The following ANKRD30B variants were observed in gnomAD, a reference collection of about 807,000 sequenced individuals.
ANKRD30B encodes ankyrin repeat domain-containing protein 30B.
ANKRD30B carries 144 observed loss-of-function variants against 202.2 expected under a neutral mutation model. The ratio of observed to expected loss-of-function variants is 0.71; its 90% CI spans 0.62 to 0.82. ANKRD30B has a LOEUF of 0.82. Ranked by LOEUF, ANKRD30B falls within the 40% of genes least tolerant of loss-of-function variation. The probability of loss-of-function intolerance (pLI) is 0.00; values close to 1 mark genes in which losing one functional copy is unlikely to be tolerated. For missense variants in ANKRD30B, 1,487 were observed against 1,669.1 expected, an observed-to-expected ratio of 0.89 and a Z score of 1.90; for synonymous variants, 508 against 561.3, an observed-to-expected ratio of 0.91 and a Z score of 1.34.
At chr18:14,885,776 T>C in the ANKRD30B span, among the ~76,000 whole-genome samples, 1 of 151,986 alleles carries the variant, frequency 6.6e-6, no homozygotes, top group Admixed American at 6.6e-5. Flanking sequence ...ACTTATACTA[T>C]GGTTTTTATA....
chr18:14,836,660 A>G (rs957395274), intron 34 of ANKRD30B, among the ~76,000 whole-genome samples: 1 of 152,212 alleles, frequency 6.6e-6, no homozygotes, highest in Non-Finnish European at 1.5e-5. Flanking sequence ...GTAAGTTCAC[A>G]TTCTAGGGTG....
chr18:14,926,593 T>C, the ANKRD30B span, among the ~76,000 whole-genome samples: 1 of 152,230 alleles, frequency 6.6e-6, no homozygotes, highest in African/African-American at 2.4e-5. Context: ...TTTGAATTTT[T>C]TAAGTAACTT....
At chr18:14,879,429 T>G in the ANKRD30B span, among the ~76,000 whole-genome samples, 2 of 152,118 alleles carry the variant, frequency 1.3e-5, no homozygotes, top group Non-Finnish European at 2.9e-5. Flanking sequence ...ATGCACTGCC[T>G]CAATACAAAA....
chr18:14,881,023 G>T, the ANKRD30B span, among the ~76,000 whole-genome samples: 1 of 152,106 alleles, frequency 6.6e-6, no homozygotes, highest in Non-Finnish European at 1.5e-5. Flanking sequence ...AGGTCATATC[G>T]TCAGCAACCA....
rs950627976 is a variant in ANKRD30B, at chr18:14,809,026, A to C, written c.2386+282A>C. 8.0e-5 allele frequency among the ~76,000 whole-genome samples: 12 copies of C among 150,388 alleles called. 1 individual carries two copies. Among genetic ancestry groups the C allele is most frequent in the East Asian group, 3.9e-4 (2 of 5,168 alleles). ...TCCCAGGTGGATCGGCAGGTTGAGA[A>C]AGAATAGACACAGACAAGATAGTGA... is the stretch of plus-strand genomic sequence containing the variant. On this transcript the variant is annotated intron_variant, in intron 26 of 43. Transcript: ENST00000690538.
the ANKRD30B span, among the ~76,000 whole-genome samples, chr18:14,875,336 A>T: frequency 7.9e-4 from 121 of 152,282 alleles, 2 homozygotes; most frequent in East Asian, 0.022. Context: ...CTGCCATCAA[A>T]TTAGAGTTCA....
intron 7 of ANKRD30B, among the ~76,000 whole-genome samples, chr18:14,766,472 C>CAAAAAAAAAA (rs1168681924): frequency 3.6e-4 from 20 of 55,598 alleles, no homozygotes; most frequent in South Asian, 1.3e-3. Context: ...GACTCCATCT[C>CAAAAAAAAAA]AAAAAAAAAA....
At chr18:14,756,403 G>A (rs565815455) in intron 4 of ANKRD30B, among the ~76,000 whole-genome samples, 2 of 152,242 alleles carry the variant, frequency 1.3e-5, no homozygotes, top group South Asian at 4.1e-4. Context: ...AAGCTCTTTA[G>A]TTTAATTAGA....
chr18:14,892,147 A>G, the ANKRD30B span, among the ~76,000 whole-genome samples: 3 of 152,200 alleles, frequency 2.0e-5, no homozygotes, highest in Non-Finnish European at 2.9e-5. Flanking sequence ...TACTCCTGCC[A>G]TTCCTCCCTT....
At chr18:14,788,494 T>G (rs557875593) in intron 15 of ANKRD30B, among the ~76,000 whole-genome samples, 4 of 152,278 alleles carry the variant, frequency 2.6e-5, no homozygotes, top group African/African-American at 9.6e-5. Flanking sequence ...GCTCCACCCA[T>G]TAACTCGTCA....
At chr18:14,929,149 G>A in the ANKRD30B span, among the ~76,000 whole-genome samples, 3,067 of 152,238 alleles carry the variant, frequency 0.02, 108 homozygotes, top group African/African-American at 0.07. Context: ...TCTCACCCTT[G>A]TGTGTCCGTC....
At chr18:14,790,374 C>T (rs1177564227) in intron 15 of ANKRD30B, among the ~76,000 whole-genome samples, 9 of 152,050 alleles carry the variant, frequency 5.9e-5, no homozygotes, top group African/African-American at 2.2e-4. Flanking sequence ...AATTGAATAC[C>T]CTTTATTTCC....
intron 14 of ANKRD30B, 113 bp from the exon 15 acceptor site, chr18:14,786,926 A>G (rs1968118400): frequency 5.8e-6 from 6 of 1,037,896 alleles, no homozygotes; most frequent in Non-Finnish European, 8.2e-6. Flanking sequence ...AAGAATATAC[A>G]GGCTACAGAG....
chr18:14,876,388 A>G, the ANKRD30B span, among the ~76,000 whole-genome samples: 1 of 152,356 alleles, frequency 6.6e-6, no homozygotes, highest in East Asian at 1.9e-4. Context: ...AGTGTGTCCA[A>G]GAAGAAAATT....
At chr18:14,800,576 G>A (rs1174396201) in intron 22 of ANKRD30B, among the ~76,000 whole-genome samples, 2 of 150,700 alleles carry the variant, frequency 1.3e-5, no homozygotes, top group Non-Finnish European at 2.9e-5. Context: ...CACCCACCTC[G>A]GCCTCCTAAA....
chr18:14,898,870 C>A, the ANKRD30B span, among the ~76,000 whole-genome samples: 2 of 152,136 alleles, frequency 1.3e-5, no homozygotes, highest in African/African-American at 4.8e-5. Flanking sequence ...GATCATGCTT[C>A]CCATTATCCT....
At chr18:14,791,589 T>G (rs71364856) in intron 16 of ANKRD30B, 98 bp downstream of exon 16, 9 of 906,880 alleles carry the variant, frequency 9.9e-6, no homozygotes, top group African/African-American at 5.1e-5. Flanking sequence ...ATTACCTCCT[T>G]AATGCAAAGC....
chr18:14,858,095 A>G (rs1972132730), downstream of ANKRD30B, among the ~76,000 whole-genome samples: 2 of 92,412 alleles, frequency 2.2e-5, no homozygotes, highest in African/African-American at 1.1e-4. Context: ...AGCCAGAGGA[A>G]CTCCTCACCT....
At chr18:14,847,325 C>G (rs534754737) in intron 39 of ANKRD30B, among the ~76,000 whole-genome samples, 4 of 151,350 alleles carry the variant, frequency 2.6e-5, no homozygotes, top group East Asian at 3.9e-4. Flanking sequence ...TTCATTTCTT[C>G]ACTTCCAGCC....
Sources: allele counts gnomAD v4.1 joint callset (sites outside exome capture counted in the v4.1 genomes callset), GRCh38; gene constraint gnomAD v4.1.1; transcripts MANE v1.5; gene names NCBI Gene and HGNC (gene_info 2026-07-23, HGNC 2026-07-21).